LMTK2: variants seen among roughly 807,000 people sequenced by gnomAD.
LMTK2 encodes lemur tail kinase 2, also known as serine/threonine-protein kinase LMTK2.
LMTK2 carries 37 observed loss-of-function variants against 127.5 expected under a neutral mutation model. That is an observed-to-expected ratio of 0.29 (90% CI 0.22 to 0.38). The LOEUF (loss-of-function observed/expected upper bound fraction) is 0.38, where lower values mean the gene tolerates loss of function less well. Ranked by LOEUF, LMTK2 falls within the 10% of genes least tolerant of loss-of-function variation. LMTK2 has a pLI of 1.00. For synonymous variants in LMTK2, 819 were observed against 810.1 expected (o/e 1.01, Z -0.19); for missense variants, 1,694 against 1,920.3 (o/e 0.88, Z 2.20).
chr7:98,202,477 A>C (rs181720599), intron 11 of LMTK2, among the ~76,000 whole-genome samples: 37 of 152,224 alleles, frequency 2.4e-4, no homozygotes, highest in African/African-American at 8.4e-4. Flanking sequence ...TTGTATGTGA[A>C]GTAATTTTAG....
chr7:98,141,591 C>G (rs1796701092), intron 3 of LMTK2, 50 bp downstream of exon 3: 1 of 1,548,160 alleles, frequency 6.5e-7, no homozygotes, highest in Non-Finnish European at 8.9e-7. Flanking sequence ...TTTCTGAGAT[C>G]TGAGAATGGG....
At chr7:98,147,714 T>G (rs1221142282) in intron 3 of LMTK2, among the ~76,000 whole-genome samples, 1 of 152,224 alleles carries the variant, frequency 6.6e-6, no homozygotes, top group African/African-American at 2.4e-5. Flanking sequence ...ACTAGATAAT[T>G]TCATTTGATC....
At chr7:98,108,315 T>G (rs1796147869) in intron 1 of LMTK2, among the ~76,000 whole-genome samples, 1 of 152,326 alleles carries the variant, frequency 6.6e-6, no homozygotes, top group Middle Eastern at 3.4e-3. Flanking sequence ...GTAACTGTTT[T>G]GGAATACTCT....
rs544543827 is a variant in LMTK2 at position 98,207,180 on chromosome 7, C to G, written c.*1688C>G. On this transcript the variant is annotated 3_prime_UTR_variant, in exon 14 of 14. Coordinates refer to ENST00000297293, the MANE Select transcript of LMTK2 (RefSeq NM_014916.4). Reference sequence around the variant, plus strand: ...GGCCTGCAGTCCCCTCATACTCACCCTTCACCCAACATATTTTCCGGTGCT... The same window carrying G: ...GGCCTGCAGTCCCCTCATACTCACCGTTCACCCAACATATTTTCCGGTGCT... 2.0e-5 allele frequency: 3 copies of G among 152,472 alleles called. No individual in the cohort carries two copies. The highest frequency in any genetic ancestry group is 7.2e-5 in the African/African-American group (3 of 41,542). The allele number at this position is 152,472 out of a possible 1,614,324, so 9.4% of individuals were successfully genotyped here. A position where few individuals can be genotyped will look rare whatever the true frequency, so the allele number is the denominator to read the frequency against.
At chr7:98,178,963 C>T (rs1797312650) in intron 7 of LMTK2, among the ~76,000 whole-genome samples, 1 of 152,170 alleles carries the variant, frequency 6.6e-6, no homozygotes, top group East Asian at 1.9e-4. Flanking sequence ...GGCCTCCTGA[C>T]TGCCCAGGGC....
intron 9 of LMTK2, among the ~76,000 whole-genome samples, chr7:98,188,379 G>T (rs773757933): frequency 2.0e-5 from 3 of 152,006 alleles, no homozygotes; most frequent in Non-Finnish European, 4.4e-5. Flanking sequence ...TTCTCTTAAG[G>T]CATGTCTCAT....
In LMTK2 at chr7:98,186,897, T is replaced by C; in HGVS notation, c.897T>C (p.Asp299=). Reference sequence around the variant, plus strand: ...AACAGGAGGATTATATTGAAACAGATGATAAAAAAGTTTTCCCTCTGCGAT... The same window carrying C: ...AACAGGAGGATTATATTGAAACAGACGATAAAAAAGTTTTCCCTCTGCGAT... ...SRYKEDYIET[D]DKKVFPLRWT... is the part of the protein sequence containing the mutation. Residue 299 remains aspartate (D), a synonymous_variant, in exon 9 of 14, where the codon GAT becomes GAC. Transcript: ENST00000297293. 2 of 1,613,052 alleles carry C rather than the reference T, an allele frequency of 1.2e-6. No individual in the cohort carries two copies. Among genetic ancestry groups the C allele is most frequent in the Non-Finnish European group, 1.7e-6 (2 of 1,179,240 alleles).
Position 98,137,552 on chromosome 7 carries a change from C to G in LMTK2, c.231+110C>G, listed in dbSNP as rs1055911166. ...CAGGATCAGCAGATTTTTTTTCTTC[C>G]CCTAATGGCCAAATAGTAAATATTT... On this transcript the variant is annotated intron_variant, in intron 2 of 13. Transcript: ENST00000297293. 18 of 933,880 alleles carry G rather than the reference C, an allele frequency of 1.9e-5. No individual in the cohort carries two copies. The African/African-American group carries it at 3.1e-4, about 16-fold the overall frequency. The allele number at this position is 933,880 out of a possible 1,614,324, so 57.8% of individuals were successfully genotyped here.
chr7:98,152,188 C>G (rs2116388725), intron 4 of LMTK2, among the ~76,000 whole-genome samples: 1 of 152,300 alleles, frequency 6.6e-6, no homozygotes, highest in Non-Finnish European at 1.5e-5. Context: ...AGTCTTCTCT[C>G]ATAGCCCGTC....
chr7:98,135,150 T>C (rs1212775257), intron 1 of LMTK2, among the ~76,000 whole-genome samples: 2 of 152,202 alleles, frequency 1.3e-5, no homozygotes, highest in Non-Finnish European at 2.9e-5. Context: ...TTATTTTAGA[T>C]TCAAGAATGT....
intron 11 of LMTK2, among the ~76,000 whole-genome samples, chr7:98,202,190 C>T (rs1797713399): frequency 1.3e-5 from 2 of 151,976 alleles, no homozygotes; most frequent in Admixed American, 6.6e-5. Flanking sequence ...TGATGATTTC[C>T]TTCGTCATCT....
At chr7:98,169,566 G>A (rs1228435712) in intron 6 of LMTK2, among the ~76,000 whole-genome samples, 4 of 152,166 alleles carry the variant, frequency 2.6e-5, no homozygotes, top group Admixed American at 6.5e-5. Context: ...TATTGGTGGC[G>A]GAGGGGTTAG....
In LMTK2 at chr7:98,206,625, G is replaced by C. The variant is rs1051821378; in HGVS notation, c.*1133G>C. The C allele has an allele frequency of 6.6e-6, 1 of 152,220 alleles. No individual in the cohort carries two copies. Among genetic ancestry groups the C allele is most frequent in the Non-Finnish European group, 1.5e-5 (1 of 68,068 alleles). 9.4% of individuals were successfully genotyped at this position (152,220 alleles called of 1,614,324 possible). ...TTCAAGAAGCCGGGGAACTCAGGCA[G>C]ACTCATCTCCGCAGAGCATACCAGC... On this transcript the variant is annotated 3_prime_UTR_variant, in exon 14 of 14. Coordinates refer to ENST00000297293, the MANE Select transcript of LMTK2 (RefSeq NM_014916.4).
intron 11 of LMTK2, among the ~76,000 whole-genome samples, chr7:98,201,457 T>C (rs1481863340): frequency 6.6e-6 from 1 of 152,232 alleles, no homozygotes; most frequent in Non-Finnish European, 1.5e-5. Flanking sequence ...TTTTGGATTT[T>C]GGAGCATTTT....
intron 6 of LMTK2, among the ~76,000 whole-genome samples, chr7:98,169,814 A>G (rs974120297): frequency 2.9e-4 from 44 of 152,300 alleles, no homozygotes; most frequent in African/African-American, 1.0e-3. Flanking sequence ...AAGAAAAAAA[A>G]AAAAGTTTTC....
At chr7:98,157,522 A>C (rs992304019) in intron 5 of LMTK2, among the ~76,000 whole-genome samples, 1 of 151,942 alleles carries the variant, frequency 6.6e-6, no homozygotes, top group Non-Finnish European at 1.5e-5. Context: ...AAACCCTTGC[A>C]TGATTGTTCA....
chr7:98,148,145 A>G (rs1796798396), intron 3 of LMTK2, among the ~76,000 whole-genome samples: 1 of 151,886 alleles, frequency 6.6e-6, no homozygotes, highest in East Asian at 1.9e-4. Flanking sequence ...GCAGTGCGGG[A>G]TTGCACTGTT....
At chr7:98,158,711 G>A (rs1326242742) in intron 5 of LMTK2, among the ~76,000 whole-genome samples, 2 of 152,228 alleles carry the variant, frequency 1.3e-5, no homozygotes, top group African/African-American at 4.8e-5. Context: ...ATGGGCGGAT[G>A]TGCGTAGGTT....
chr7:98,175,485 G>A (rs1232378531), intron 7 of LMTK2, among the ~76,000 whole-genome samples: 1 of 152,242 alleles, frequency 6.6e-6, no homozygotes, highest in Non-Finnish European at 1.5e-5. Context: ...GTGTTCTGTA[G>A]GCAGTAGGAT....
Sources: allele counts gnomAD v4.1 joint callset (sites outside exome capture counted in the v4.1 genomes callset), GRCh38; gene constraint gnomAD v4.1.1; transcripts MANE v1.5; gene names NCBI Gene and HGNC (gene_info 2026-07-23, HGNC 2026-07-21).